CDH12: variants seen among roughly 807,000 people sequenced by gnomAD.
The protein encoded by CDH12 is cadherin 12, also known as cadherin-12.
CDH12 carries 41 observed loss-of-function variants against 74.1 expected under a neutral mutation model. The observed-to-expected ratio is 0.55, with a 90% CI of 0.43 to 0.72. The LOEUF (loss-of-function observed/expected upper bound fraction) is 0.72. Among genes scored for constraint, CDH12 ranks in the 30% least tolerant of loss-of-function variants. CDH12 has a pLI of 0.00. For synonymous variants in CDH12, 399 were observed against 355.0 expected, an observed-to-expected ratio of 1.12 and a Z score of -1.39; for missense variants, 945 against 977.2, an observed-to-expected ratio of 0.97 and a Z score of 0.44.
At chr5:22,224,866 A>G (rs759186074) in intron 3 of CDH12, among the ~76,000 whole-genome samples, 50 of 151,834 alleles carry the variant, frequency 3.3e-4, no homozygotes, top group Admixed American at 5.9e-4. Flanking sequence ...TTCATAAAAT[A>G]ACATATTATA....
chr5:21,904,956 G>C (rs529763290), intron 6 of CDH12, among the ~76,000 whole-genome samples: 1 of 152,120 alleles, frequency 6.6e-6, no homozygotes, highest in Non-Finnish European at 1.5e-5. Context: ...TAACCATAAA[G>C]TTCAAAATTT....
At chr5:22,190,871 C>T (rs540569703) in intron 4 of CDH12, among the ~76,000 whole-genome samples, 3 of 152,190 alleles carry the variant, frequency 2.0e-5, no homozygotes, top group Admixed American at 6.5e-5. Context: ...CCACAACTGG[C>T]GCATGCCAAT....
intron 1 of CDH12, among the ~76,000 whole-genome samples, chr5:22,565,781 A>T (rs1342005743): frequency 6.6e-6 from 1 of 152,186 alleles, no homozygotes. Context: ...GTTTGCTGTG[A>T]TCTGTAGTCT....
intron 2 of CDH12, among the ~76,000 whole-genome samples, chr5:22,424,792 A>G (rs1743823373): frequency 6.6e-6 from 1 of 152,056 alleles, no homozygotes; most frequent in Non-Finnish European, 1.5e-5. Flanking sequence ...TGTTCTTTAT[A>G]TCTTATTTAA....
At chr5:22,808,032 G>A (rs1172975647) in intron 1 of CDH12, among the ~76,000 whole-genome samples, 1 of 152,078 alleles carries the variant, frequency 6.6e-6, no homozygotes, top group Admixed American at 6.6e-5. Flanking sequence ...TAATCTTATG[G>A]GACCACTGTC....
intron 3 of CDH12, among the ~76,000 whole-genome samples, chr5:22,314,881 T>A (rs887652472): frequency 1.3e-5 from 2 of 148,182 alleles, no homozygotes; most frequent in African/African-American, 4.9e-5. Context: ...ATAATATTTT[T>A]AAAACATGTT....
chr5:22,456,745 T>C (rs1197298045), intron 2 of CDH12, among the ~76,000 whole-genome samples: 1 of 152,128 alleles, frequency 6.6e-6, no homozygotes, highest in African/African-American at 2.4e-5. Context: ...TTGACATAAT[T>C]TATGCAAAAT....
chr5:22,362,112 G>A (rs1015145963), intron 3 of CDH12, among the ~76,000 whole-genome samples: 1 of 152,130 alleles, frequency 6.6e-6, no homozygotes, highest in Admixed American at 6.6e-5. Flanking sequence ...CTTCTGCACA[G>A]CAAAAGAAAC....
rs557244237 is a variant in CDH12 at position 22,394,324 on chromosome 5, T to G, written c.-333+10933A>C. ...AACCACTAGGTTTTTGAGACTGTTATAGCAGACATACTGCTAGCTTGGACC... is the reference window on the plus strand; with the variant it reads ...AACCACTAGGTTTTTGAGACTGTTAGAGCAGACATACTGCTAGCTTGGACC... On this transcript the variant is annotated intron_variant, in intron 3 of 14. Transcript: ENST00000382254. 2.6e-4 allele frequency among the ~76,000 whole-genome samples: 39 copies of G among 152,146 alleles called. 1 individual carries two copies. The highest frequency in any genetic ancestry group is 4.4e-5 in the Non-Finnish European group (3 of 68,012).
chr5:22,787,079 G>T (rs368992593), intron 1 of CDH12, among the ~76,000 whole-genome samples: 15 of 151,580 alleles, frequency 9.9e-5, no homozygotes, highest in African/African-American at 3.6e-4. Flanking sequence ...AGTACTGTGG[G>T]TCCTCCAGCA....
intron 3 of CDH12, among the ~76,000 whole-genome samples, chr5:22,275,992 T>G (rs1207484902): frequency 6.6e-6 from 1 of 152,178 alleles, no homozygotes; most frequent in Admixed American, 6.5e-5. Context: ...TTTCAGATCT[T>G]TACTATGACA....
At chr5:22,741,932 G>T (rs548709147) in intron 1 of CDH12, among the ~76,000 whole-genome samples, 14 of 152,286 alleles carry the variant, frequency 9.2e-5, no homozygotes, top group South Asian at 8.3e-4. Context: ...TGTAATCCCA[G>T]CACTTTGGGA....
At chr5:22,739,536 C>T (rs1399515300) in intron 1 of CDH12, among the ~76,000 whole-genome samples, 11 of 151,956 alleles carry the variant, frequency 7.2e-5, no homozygotes, top group African/African-American at 1.7e-4. Context: ...GATTTCTGTA[C>T]AGTAGTCTAC....
chr5:22,513,029 G>A (rs271093), intron 1 of CDH12, among the ~76,000 whole-genome samples: 5 of 152,178 alleles, frequency 3.3e-5, no homozygotes, highest in Admixed American at 6.5e-5. Context: ...AGGGCGAGAC[G>A]CTGTCTAAAA....
At chr5:22,575,014 A>C (rs1739714099) in intron 1 of CDH12, among the ~76,000 whole-genome samples, 1 of 152,152 alleles carries the variant, frequency 6.6e-6, no homozygotes, top group Non-Finnish European at 1.5e-5. Flanking sequence ...TGGTTTCTGC[A>C]TCTGTAAAAT....
intron 13 of CDH12, among the ~76,000 whole-genome samples, chr5:21,758,409 C>T (rs2149867543): frequency 6.6e-6 from 1 of 152,276 alleles, no homozygotes; most frequent in Admixed American, 6.5e-5. Context: ...TTGTAGCAAA[C>T]TAATCTCTTC....
At chr5:22,534,943 C>T (rs1580742180) in intron 1 of CDH12, among the ~76,000 whole-genome samples, 1 of 147,638 alleles carries the variant, frequency 6.8e-6, no homozygotes, top group South Asian at 2.1e-4. Context: ...ATATTTCATG[C>T]TTTAAAACTG....
chr5:22,805,520 G>T (rs1179382211), intron 1 of CDH12, among the ~76,000 whole-genome samples: 1 of 151,960 alleles, frequency 6.6e-6, no homozygotes, highest in African/African-American at 2.4e-5. Context: ...ACCTGAGTTT[G>T]AGTATATGTT....
chr5:22,098,236 A>T (rs985107598), intron 4 of CDH12, among the ~76,000 whole-genome samples: 2 of 152,138 alleles, frequency 1.3e-5, no homozygotes, highest in African/African-American at 4.8e-5. Context: ...ACTTCAGTCA[A>T]GCCCAAATTT....
Sources: gnomAD v4.1 joint callset for allele counts (sites outside exome capture counted in the v4.1 genomes callset) on GRCh38, gnomAD v4.1.1 for gene constraint, MANE v1.5 for transcripts, NCBI Gene and HGNC (gene_info 2026-07-23, HGNC 2026-07-21) for gene names.